NUP43: variants seen among roughly 807,000 people sequenced by gnomAD.
The protein encoded by NUP43 is nucleoporin 43.
A neutral mutation model predicts 47.3 loss-of-function variants in NUP43; 32 were observed. The observed-to-expected ratio is 0.68, with a 90% CI of 0.51 to 0.91. The LOEUF (loss-of-function observed/expected upper bound fraction) is 0.91. Ranked by LOEUF, NUP43 falls within the 40% of genes least tolerant of loss-of-function variation. The pLI is 0.00. For missense variants in NUP43, 444 were observed against 453.9 expected, an observed-to-expected ratio of 0.98 and a Z score of 0.20; for synonymous variants, 147 against 158.4, an observed-to-expected ratio of 0.93 and a Z score of 0.54.
intron 6 of NUP43, among the ~76,000 whole-genome samples, chr6:149,735,928 GCA>G (rs1785315358): frequency 6.8e-6 from 1 of 148,036 alleles, no homozygotes; most frequent in Non-Finnish European, 1.5e-5. Context: ...AGCCGTGACT[GCA>G]CCACTGCACT....
intron 7 of NUP43, chr6:149,727,527 A>C (rs915047475): frequency 1.9e-5 from 19 of 984,248 alleles, no homozygotes; most frequent in Non-Finnish European, 2.3e-5. Context: ...GAATAAGGAA[A>C]GAAAAAAAAG....
At chr6:149,735,058 G>T (rs1785252642) in intron 6 of NUP43, among the ~76,000 whole-genome samples, 1 of 152,022 alleles carries the variant, frequency 6.6e-6, no homozygotes, top group South Asian at 2.1e-4. Context: ...ATATAAAATG[G>T]TATGATTTTT....
chr6:149,728,342 G>C (rs189146683), intron 7 of NUP43: 7 of 984,990 alleles, frequency 7.1e-6, no homozygotes, highest in East Asian at 1.1e-4. Context: ...AAGACTGTGC[G>C]GTTAGGGGAG....
At chr6:149,741,593 C>T (rs1258085825) in intron 4 of NUP43, among the ~76,000 whole-genome samples, 3 of 151,744 alleles carry the variant, frequency 2.0e-5, no homozygotes, top group Non-Finnish European at 4.4e-5. Flanking sequence ...GCAACCTCTG[C>T]CTCCCGGGTT....
chr6:149,727,474 T>C, intron 7 of NUP43: 1 of 984,826 alleles, frequency 1.0e-6, no homozygotes, highest in Non-Finnish European at 1.2e-6. Context: ...CATCTTTTAA[T>C]GGAAAGTCTC....
Position 149,742,349 on chromosome 6 carries a change from A to G in NUP43, c.502+41T>C, listed in dbSNP as rs1290303314. 4 of 1,582,478 alleles carry G rather than the reference A, an allele frequency of 2.5e-6. No homozygotes were observed. The African/African-American group carries it at 5.4e-5, about 21-fold the overall frequency. Reference sequence around the variant, plus strand: ...CCTAACTTTTGTATTTTTAGAAGAGACTAGGTTTCGCCATGTTGGCCAGGC... The same window carrying G: ...CCTAACTTTTGTATTTTTAGAAGAGGCTAGGTTTCGCCATGTTGGCCAGGC... On this transcript the variant is annotated intron_variant, in intron 4 of 7. Transcript: ENST00000340413.
At position 149,743,187 on chromosome 6, in the gene NUP43, T is replaced by A. The variant is rs544370198; in HGVS notation, c.321+451A>T. 1.9e-3 allele frequency among the ~76,000 whole-genome samples: 290 copies of A among 148,814 alleles called. 1 individual carries two copies. Among genetic ancestry groups the A allele is most frequent in the African/African-American group, 4.6e-3 (185 of 40,336 alleles). Reference sequence around the variant, plus strand: ...AGAGACTCTGTCTCAAAAAAAAAAATAAATAAATAAAATAAAATAAAATAA... The same window carrying A: ...AGAGACTCTGTCTCAAAAAAAAAAAAAAATAAATAAAATAAAATAAAATAA... On this transcript the variant is annotated intron_variant, in intron 3 of 7. Coordinates refer to ENST00000340413, the MANE Select transcript of NUP43 (RefSeq NM_198887.3).
chr6:149,746,302 C>A, intron 1 of NUP43, 74 bp downstream of exon 1: 1 of 1,573,110 alleles, frequency 6.4e-7, no homozygotes, highest in Non-Finnish European at 8.7e-7. Context: ...TGGGAGTTGG[C>A]GCGCGGAAGG....
chr6:149,741,437 G>A (rs1361464882), intron 4 of NUP43, among the ~76,000 whole-genome samples: 2 of 152,114 alleles, frequency 1.3e-5, no homozygotes, highest in Non-Finnish European at 2.9e-5. Context: ...GCCTCCTAAG[G>A]TGCTGGGATT....
chr6:149,743,519 C>T, intron 3 of NUP43, 119 bp downstream of exon 3: 1 of 599,216 alleles, frequency 1.7e-6, no homozygotes, highest in Non-Finnish European at 2.9e-6. Flanking sequence ...CACTTGAACT[C>T]AGAAGGTGGA....
upstream of NUP43, chr6:149,746,649 G>C (rs924894476): frequency 6.4e-7 from 1 of 1,572,596 alleles, no homozygotes; most frequent in African/African-American, 1.4e-5. Context: ...TGTGGGCACA[G>C]TCAGTACCTA....
At chr6:149,744,264 G>A (rs370423074) in intron 2 of NUP43, among the ~76,000 whole-genome samples, 1 of 152,114 alleles carries the variant, frequency 6.6e-6, no homozygotes, top group East Asian at 1.9e-4. Context: ...GGTGGCTGAC[G>A]CCTGTAATCC....
At chr6:149,736,662 G>A (rs372927679) in intron 5 of NUP43, 40 bp from the exon 6 acceptor site, 498 of 1,512,836 alleles carry the variant, frequency 3.3e-4, no homozygotes, top group Non-Finnish European at 3.0e-4. Flanking sequence ...ATCAAATAAA[G>A]TATAATTTAT....
chr6:149,736,483 G>C lies in NUP43; in HGVS notation c.778C>G (p.His260Asp), dbSNP rs367803611. The C allele has an allele frequency of 1.9e-6, 3 of 1,578,978 alleles. No homozygotes were observed. The South Asian group carries it at 3.4e-5, about 18-fold the overall frequency. ...GTMPVSLLKA[H>D]EAEMWEVHFH... Reference sequence around the variant, plus strand: ...TCACAATACTTACTTTCAGCTTCATGAGCCTTCAGCAGAGATACAGGCATA... The same window carrying C: ...TCACAATACTTACTTTCAGCTTCATCAGCCTTCAGCAGAGATACAGGCATA... Residue 260 changes from histidine to aspartate, a missense_variant, in exon 6 of 8, where the codon CAT (histidine) becomes GAT (aspartate). By Grantham distance (81) the His-to-Asp change is moderately conservative (BLOSUM62 -1). Transcript: ENST00000340413.
In NUP43 at chr6:149,726,754, G is replaced by T; in HGVS notation, c.*215C>A. 1 of 555,146 alleles carries T rather than the reference G, an allele frequency of 1.8e-6. No individual in the cohort carries two copies. Among genetic ancestry groups the T allele is most frequent in the Admixed American group, 3.1e-5 (1 of 32,600 alleles). The allele number at this position is 555,146 out of a possible 1,614,324, so 34.4% of individuals were successfully genotyped here. On this transcript the variant is annotated 3_prime_UTR_variant, in exon 8 of 8. Transcript: ENST00000340413. ...GAATCCCACTGATTTTCTTCCACATGTTCACAATCTTTTGCCATCAGTCAT... is the reference window on the plus strand; with the variant it reads ...GAATCCCACTGATTTTCTTCCACATTTTCACAATCTTTTGCCATCAGTCAT...
chr6:149,746,014 A>G lies in NUP43; in HGVS notation c.169T>C (p.Ser57Pro). Residue 57 changes from serine (S) to proline (P), a missense_variant, in exon 2 of 8, where the codon TCT becomes CCT. By Grantham distance (74) the Ser-to-Pro change is moderately conservative (BLOSUM62 -1). Coordinates refer to ENST00000340413, the MANE Select transcript of NUP43 (RefSeq NM_198887.3). ...WSIGDFGNLD[S>P]DGGFEGDHQL... ...TGGTCTCCTTCAAACCCTCCATCAG[A>G]GTCCAAGTTTCCAAAATCTCCAATA... The G allele has an allele frequency of 6.2e-7, 1 of 1,613,526 alleles. No individual in the cohort carries two copies. The highest frequency in any genetic ancestry group is 8.5e-7 in the Non-Finnish European group (1 of 1,179,498).
intron 6 of NUP43, among the ~76,000 whole-genome samples, chr6:149,735,319 G>A (rs1436188049): frequency 6.6e-6 from 1 of 152,144 alleles, no homozygotes; most frequent in Admixed American, 6.5e-5. Flanking sequence ...TGAGTAGGAG[G>A]AGCCTGGAAC....
At chr6:149,733,388 T>C (rs1195628795) in intron 6 of NUP43, among the ~76,000 whole-genome samples, 5 of 152,178 alleles carry the variant, frequency 3.3e-5, no homozygotes, top group Admixed American at 2.6e-4. Context: ...ATATGTATGC[T>C]TCATACTTTA....
At chr6:149,732,105 C>T (rs1193256367) in intron 6 of NUP43, among the ~76,000 whole-genome samples, 2 of 149,132 alleles carry the variant, frequency 1.3e-5, no homozygotes, top group East Asian at 2.0e-4. Context: ...TCACTTGAAC[C>T]TGGGAGGCGG....
Sources: gnomAD v4.1 joint callset for allele counts (sites outside exome capture counted in the v4.1 genomes callset) on GRCh38, gnomAD v4.1.1 for gene constraint, MANE v1.5 for transcripts, NCBI Gene and HGNC (gene_info 2026-07-23, HGNC 2026-07-21) for gene names.